Variants in DIP2C observed in about 807,000 individuals in gnomAD.
DIP2C encodes the protein disco-interacting protein 2 homolog C.
A neutral mutation model predicts 192.4 loss-of-function variants in DIP2C; 33 were observed. The ratio of observed to expected loss-of-function variants is 0.17; its 90% CI spans 0.13 to 0.23. The LOEUF is 0.23. Ranked by LOEUF, DIP2C falls within the 10% of genes least tolerant of loss-of-function variation. The probability of loss-of-function intolerance (pLI) is 1.00; values close to 1 mark genes in which losing one functional copy is unlikely to be tolerated. For missense variants in DIP2C, 1,537 were observed against 2,110.1 expected, an observed-to-expected ratio of 0.73 and a Z score of 5.32; for synonymous variants, 979 against 864.1, an observed-to-expected ratio of 1.13 and a Z score of -2.33.
chr10:357,183 G>A (rs1959121551), intron 23 of DIP2C, among the ~76,000 whole-genome samples: 1 of 152,198 alleles, frequency 6.6e-6, no homozygotes, highest in Non-Finnish European at 1.5e-5. Context: ...TTTGGCTGTG[G>A]GAAACAGGAA....
At chr10:492,854 T>C (rs951549762) in intron 1 of DIP2C, among the ~76,000 whole-genome samples, 8 of 152,244 alleles carry the variant, frequency 5.3e-5, no homozygotes. Flanking sequence ...TTGTAACACA[T>C]GGATCAAAAG....
chr10:619,541 G>GCCCGCCCGCCCGCCCGCCCTCCCT, intron 1 of DIP2C, among the ~76,000 whole-genome samples: 1 of 67,896 alleles, frequency 1.5e-5, no homozygotes, highest in African/African-American at 3.5e-5. Flanking sequence ...CCGCCCGCCC[G>GCCCGCCCGCCCGCCCGCCCTCCCT]CCCTCCCACC....
At chr10:614,046 G>A (rs572008212) in intron 1 of DIP2C, among the ~76,000 whole-genome samples, 1 of 152,340 alleles carries the variant, frequency 6.6e-6, no homozygotes, top group African/African-American at 2.4e-5. Flanking sequence ...TGGCAGGACA[G>A]TCACCAACAG....
chr10:295,486 G>A (rs532828660), intron 32 of DIP2C, among the ~76,000 whole-genome samples: 84 of 146,834 alleles, frequency 5.7e-4, no homozygotes, highest in African/African-American at 1.0e-3. Context: ...GCATGAACCC[G>A]GGAGGCGGAG....
chr10:452,816 A>T (rs562949499), intron 3 of DIP2C, among the ~76,000 whole-genome samples: 41 of 152,252 alleles, frequency 2.7e-4, no homozygotes, highest in African/African-American at 9.1e-4. Context: ...AGTGGCCCAA[A>T]TCCCACAGGT....
At chr10:342,467 CCTCT>C (rs779425334) in intron 28 of DIP2C, among the ~76,000 whole-genome samples, 7 of 152,108 alleles carry the variant, frequency 4.6e-5, no homozygotes, top group East Asian at 3.9e-4. Flanking sequence ...CTCGTGTGAC[CCTCT>C]CTCTAACACA....
chr10:340,967 C>G, intron 29 of DIP2C: 1 of 647,074 alleles, frequency 1.5e-6, no homozygotes. Context: ...CCGCAACAGA[C>G]GGCTCTCCAA....
rs149412917 is a variant in DIP2C at position 374,646 on chromosome 10, A to G, written c.1992-5013T>C. 6.3e-3 allele frequency among the ~76,000 whole-genome samples: 966 copies of G among 152,332 alleles called. 10 individuals carry two copies. Among genetic ancestry groups the G allele is most frequent in the African/African-American group, 0.022 (904 of 41,570 alleles). ...CTCTGCACTCTTGCCAACACTTAAA[A>G]TGCTTCCCAATTTGTTCAGTAAAAC... is the stretch of plus-strand genomic sequence containing the variant. On this transcript the variant is annotated intron_variant, in intron 17 of 36. Transcript: ENST00000280886.
At chr10:468,563 C>T (rs1970399721) in intron 3 of DIP2C, among the ~76,000 whole-genome samples, 1 of 152,162 alleles carries the variant, frequency 6.6e-6, no homozygotes, top group Non-Finnish European at 1.5e-5. Flanking sequence ...GAGTTCTAGA[C>T]CAGCCTGACC....
chr10:504,866 C>T (rs1259646137), intron 1 of DIP2C, among the ~76,000 whole-genome samples: 2 of 152,196 alleles, frequency 1.3e-5, no homozygotes, highest in Non-Finnish European at 1.5e-5. Context: ...TCAGCTCCAG[C>T]GGTGCTGACC....
At chr10:623,659 G>A (rs1478020784) in intron 1 of DIP2C, among the ~76,000 whole-genome samples, 1 of 106,352 alleles carries the variant, frequency 9.4e-6, no homozygotes, top group Non-Finnish European at 1.9e-5. Context: ...AGGGGAAGAG[G>A]GGAGGGATGC....
At chr10:429,845 C>T (rs1165046064) in intron 4 of DIP2C, among the ~76,000 whole-genome samples, 1 of 152,082 alleles carries the variant, frequency 6.6e-6, no homozygotes, top group Non-Finnish European at 1.5e-5. Flanking sequence ...CTCTAAATAT[C>T]TATGTGTAGG....
At chr10:548,203 G>GCCCCAC (rs1848391990) in intron 1 of DIP2C, among the ~76,000 whole-genome samples, 1 of 50,602 alleles carries the variant, frequency 2.0e-5, no homozygotes, top group African/African-American at 6.6e-5. Context: ...ACACGAGTCT[G>GCCCCAC]CCCCACCCCC....
At chr10:523,001 C>CTG (rs1491198234) in intron 1 of DIP2C, among the ~76,000 whole-genome samples, 1 of 151,954 alleles carries the variant, frequency 6.6e-6, no homozygotes, top group East Asian at 1.9e-4. Flanking sequence ...GATGCACGGA[C>CTG]TCTGTGTGAC....
At chr10:286,429 T>C in intron 33 of DIP2C, 82 bp from the exon 34 acceptor site, 2 of 1,267,368 alleles carry the variant, frequency 1.6e-6, no homozygotes, top group Admixed American at 1.7e-5. Flanking sequence ...ATCTCATCTT[T>C]ATGCCATTTC....
chr10:540,744 CTAAT>C (rs1266380400), intron 1 of DIP2C, among the ~76,000 whole-genome samples: 1 of 152,224 alleles, frequency 6.6e-6, no homozygotes, highest in Non-Finnish European at 1.5e-5. Flanking sequence ...AAAGTAATCT[CTAAT>C]TACTGTCTGC....
chr10:408,216 G>T (rs1964947287), intron 9 of DIP2C, among the ~76,000 whole-genome samples: 1 of 152,148 alleles, frequency 6.6e-6, no homozygotes, highest in Non-Finnish European at 1.5e-5. Context: ...TTTCCCCGTT[G>T]AGTATCTTGG....
intron 1 of DIP2C, among the ~76,000 whole-genome samples, chr10:544,862 G>T (rs917979456): frequency 1.3e-5 from 2 of 152,118 alleles, no homozygotes; most frequent in Non-Finnish European, 2.9e-5. Context: ...TCTGTGGGTT[G>T]TGTCTTTTTA....
chr10:683,061 C>T (rs1419330581), intron 1 of DIP2C, among the ~76,000 whole-genome samples: 1 of 152,196 alleles, frequency 6.6e-6, no homozygotes, highest in Non-Finnish European at 1.5e-5. Context: ...CACAAAGGGC[C>T]GATGTCACTA....
Sources: gnomAD v4.1 joint callset for allele counts (sites outside exome capture counted in the v4.1 genomes callset) on GRCh38, gnomAD v4.1.1 for gene constraint, MANE v1.5 for transcripts, NCBI Gene and HGNC (gene_info 2026-07-23, HGNC 2026-07-21) for gene names.